Variants in CDH10 observed in about 807,000 individuals in gnomAD.
The protein encoded by CDH10 is cadherin-10.
In CDH10, 30 loss-of-function variants were observed where a neutral mutation model predicts 73.1. The ratio of observed to expected loss-of-function variants is 0.41; its 90% CI spans 0.31 to 0.56. CDH10 has a LOEUF of 0.56. Ranked by LOEUF, CDH10 falls within the 20% of genes least tolerant of loss-of-function variation. CDH10 has a pLI of 0.27. For synonymous variants in CDH10, 345 were observed against 348.2 expected (o/e 0.99, Z 0.10); for missense variants, 815 against 973.7 (o/e 0.84, Z 2.17).
At chr5:24,538,685 TAAA>T (rs144727070) in intron 2 of CDH10, among the ~76,000 whole-genome samples, 20,902 of 152,026 alleles carry the variant, frequency 0.14, 1,615 homozygotes, top group Admixed American at 0.21. Context: ...GCAATTAACT[TAAA>T]GAAGAGCCTC....
intron 10 of CDH10, 36 bp downstream of exon 10, chr5:24,492,778 TATC>T: frequency 2.4e-6 from 2 of 824,082 alleles, no homozygotes; most frequent in South Asian, 2.7e-5. Flanking sequence ...TTCCTGTTAA[TATC>T]ATCATAAGTC....
intron 2 of CDH10, among the ~76,000 whole-genome samples, chr5:24,562,757 G>T (rs1002271963): frequency 6.6e-6 from 1 of 151,910 alleles, no homozygotes; most frequent in African/African-American, 2.4e-5. Context: ...CTAACCACTG[G>T]GATTAGTAAA....
chr5:24,494,889 T>C (rs1296503964), intron 9 of CDH10, among the ~76,000 whole-genome samples: 3 of 152,152 alleles, frequency 2.0e-5, no homozygotes, highest in Admixed American at 1.3e-4. Flanking sequence ...CATTACAGTA[T>C]ATTTTTATGA....
At chr5:24,611,834 T>G (rs893829258) in intron 1 of CDH10, 1 of 152,118 alleles carries the variant, frequency 6.6e-6, no homozygotes, top group Admixed American at 6.6e-5. Flanking sequence ...CATGCTTTGA[T>G]GCACAAGCCA....
chr5:24,597,436 T>C (rs566721283), intron 1 of CDH10, among the ~76,000 whole-genome samples: 1 of 152,212 alleles, frequency 6.6e-6, no homozygotes, highest in Non-Finnish European at 1.5e-5. Flanking sequence ...CCCAGATACG[T>C]AGCCTACTAC....
chr5:24,555,134 G>A (rs981723004), intron 2 of CDH10, among the ~76,000 whole-genome samples: 1 of 151,976 alleles, frequency 6.6e-6, no homozygotes, highest in South Asian at 2.1e-4. Flanking sequence ...TTTTTCTAAT[G>A]TTCTTTACTC....
At chr5:24,524,528 A>G (rs1181768736) in intron 5 of CDH10, among the ~76,000 whole-genome samples, 1 of 152,074 alleles carries the variant, frequency 6.6e-6, no homozygotes, top group Non-Finnish European at 1.5e-5. Flanking sequence ...AGCTTTAATT[A>G]TGTGGTACGC....
chr5:24,588,160 C>A (rs1220534081), intron 2 of CDH10, among the ~76,000 whole-genome samples: 4 of 152,126 alleles, frequency 2.6e-5, no homozygotes, highest in Non-Finnish European at 5.9e-5. Flanking sequence ...AATCATTTAA[C>A]CCAAAGGAGT....
intron 9 of CDH10, among the ~76,000 whole-genome samples, chr5:24,495,701 G>C (rs1355157229): frequency 6.6e-6 from 1 of 151,866 alleles, no homozygotes; most frequent in African/African-American, 2.4e-5. Flanking sequence ...CAAAAAATCA[G>C]GCGGGCGTGG....
At chr5:24,619,334 C>T (rs911374002) in intron 1 of CDH10, among the ~76,000 whole-genome samples, 2 of 152,140 alleles carry the variant, frequency 1.3e-5, no homozygotes, top group African/African-American at 4.8e-5. Flanking sequence ...GCTGGGACTA[C>T]AGGCACCCAC....
At chr5:24,501,625 C>T (rs187962551) in intron 8 of CDH10, among the ~76,000 whole-genome samples, 130 of 152,162 alleles carry the variant, frequency 8.5e-4, no homozygotes, top group African/African-American at 3.1e-3. Context: ...CCTTTTCATG[C>T]CTCCAAAGAG....
chr5:24,564,343 T>C (rs1745089536), intron 2 of CDH10, among the ~76,000 whole-genome samples: 3 of 152,212 alleles, frequency 2.0e-5, no homozygotes, highest in South Asian at 2.1e-4. Flanking sequence ...AATTGGCATA[T>C]AGAAACATTA....
chr5:24,564,473 C>T (rs1745093683), intron 2 of CDH10, among the ~76,000 whole-genome samples: 1 of 151,996 alleles, frequency 6.6e-6, no homozygotes, highest in Non-Finnish European at 1.5e-5. Context: ...AAGATTTTTC[C>T]TCTTCATAAT....
At chr5:24,509,280 C>G (rs1424659146) in intron 7 of CDH10, among the ~76,000 whole-genome samples, 1 of 117,728 alleles carries the variant, frequency 8.5e-6, no homozygotes, top group Non-Finnish European at 1.6e-5. Flanking sequence ...ATCTCTGTCG[C>G]TCAGGCTGGA....
At chr5:24,619,328 G>A (rs969150547) in intron 1 of CDH10, among the ~76,000 whole-genome samples, 17 of 152,020 alleles carry the variant, frequency 1.1e-4, no homozygotes, top group African/African-American at 3.9e-4. Context: ...CAAGTAGCTG[G>A]GACTACAGGC....
rs578257038 is a variant in CDH10 at position 24,644,940 on chromosome 5, G to A, written c.-470C>T. On this transcript the variant is annotated 5_prime_UTR_variant, in exon 1 of 12. Coordinates refer to ENST00000264463, the MANE Select transcript of CDH10 (RefSeq NM_006727.5). ...CGCCATGGGAAGGTTAGAGACTGTG[G>A]AAGTGCTGGCTTCTGCGAGCACACA... 2.0e-5 allele frequency: 3 copies of A among 152,140 alleles called. No individual in the cohort carries two copies. Among genetic ancestry groups the A allele is most frequent in the Non-Finnish European group, 2.9e-5 (2 of 68,032 alleles). 9.4% of individuals were successfully genotyped at this position (152,140 alleles called of 1,614,324 possible).
At chr5:24,557,359 C>T (rs1206620242) in intron 2 of CDH10, among the ~76,000 whole-genome samples, 5 of 151,376 alleles carry the variant, frequency 3.3e-5, no homozygotes, top group African/African-American at 7.3e-5. Context: ...TTTAATGTCC[C>T]TAATTTACAG....
At chr5:24,539,207 C>T (rs946917190) in intron 2 of CDH10, among the ~76,000 whole-genome samples, 32 of 151,888 alleles carry the variant, frequency 2.1e-4, no homozygotes, top group Non-Finnish European at 3.8e-4. Flanking sequence ...CATAGAGTTA[C>T]GTATTTACCT....
At chr5:24,604,748 C>G (rs890787427) in intron 1 of CDH10, among the ~76,000 whole-genome samples, 1 of 152,052 alleles carries the variant, frequency 6.6e-6, no homozygotes, top group East Asian at 1.9e-4. Context: ...GTGGCAGGTG[C>G]CTTAATCCCA....
Sources: allele counts gnomAD v4.1 joint callset (sites outside exome capture counted in the v4.1 genomes callset), GRCh38; gene constraint gnomAD v4.1.1; transcripts MANE v1.5; gene names NCBI Gene and HGNC (gene_info 2026-07-23, HGNC 2026-07-21).